The following DAGLB variants were observed in gnomAD, a reference collection of about 807,000 sequenced individuals.
DAGLB encodes diacylglycerol lipase beta.
A neutral mutation model predicts 72.1 loss-of-function variants in DAGLB; 66 were observed. The ratio of observed to expected loss-of-function variants is 0.92; its 90% CI spans 0.75 to 1.12. The LOEUF is 1.12. Ranked by LOEUF, DAGLB falls within the 50% of genes most tolerant of loss-of-function variation. The pLI, the probability that DAGLB is intolerant of heterozygous loss-of-function variation, is 0.00. For missense variants in DAGLB, 1,065 were observed against 884.9 expected, an observed-to-expected ratio of 1.20 and a Z score of -2.58; for synonymous variants, 414 against 359.5, an observed-to-expected ratio of 1.15 and a Z score of -1.71.
chr7:6,443,945 C>A (rs1037135461), intron 2 of DAGLB, among the ~76,000 whole-genome samples: 3 of 152,062 alleles, frequency 2.0e-5, no homozygotes, highest in Non-Finnish European at 1.5e-5. Context: ...TGGTTATCTA[C>A]AGAAAACTGT....
chr7:6,410,375 C>T lies in DAGLB; in HGVS notation c.1575G>A (p.Lys525=), dbSNP rs112408875. 9 of 1,609,882 alleles carry T rather than the reference C, an allele frequency of 5.6e-6. No individual in the cohort carries two copies. Among genetic ancestry groups the T allele is most frequent in the African/African-American group, 4.0e-5 (3 of 74,966 alleles). ...CGTACCACAAACCGTGCAGCAAGAT[C>T]TTGTACTGAGGGCGAGACCCAATCA... ...VVAHCNKPKY[K]ILLHGLWYEL... Residue 525 remains lysine, a synonymous_variant, in exon 14 of 15, where the codon AAG becomes AAA. Coordinates refer to ENST00000297056, the MANE Select transcript of DAGLB (RefSeq NM_139179.4).
chr7:6,410,189 G>C lies in DAGLB; in HGVS notation c.1761C>G (p.Tyr587Ter), dbSNP rs960883296. The change falls in exon 14 of 15, where the codon TAC (tyrosine) becomes TAG (stop). Residue 587 changes from tyrosine to a stop codon, truncating the protein, a stop_gained. Coordinates refer to ENST00000297056, the MANE Select transcript of DAGLB (RefSeq NM_139179.4). LOFTEE classifies it high-confidence loss of function. ...TCCTGCCGGGAGGGTAGAGAGGGGG[G>C]TACTTGGGAGAAGAGTCCAGTGGGG... is the stretch of plus-strand genomic sequence containing the variant. Reference protein sequence around the residue: ...SDSPLDSSPKYPPLYPPGRII... With the variant: ...SDSPLDSSPK 1.3e-6 allele frequency: 2 copies of C among 1,599,356 alleles called. No homozygotes were observed. Among genetic ancestry groups the C allele is most frequent in the Non-Finnish European group, 1.7e-6 (2 of 1,171,244 alleles).
chr7:6,436,392 A>C lies in DAGLB; in HGVS notation c.389T>G (p.Val130Gly). The C allele has an allele frequency of 6.2e-7, 1 of 1,612,664 alleles. No individual in the cohort carries two copies. Among genetic ancestry groups the C allele is most frequent in the South Asian group, 1.1e-5 (1 of 90,820 alleles). Reference sequence around the variant, plus strand: ...CACGACGGTTGCGATGATGCCGTTTACAACTGTCCTGTCGCACTGAACACC... The same window carrying C: ...CACGACGGTTGCGATGATGCCGTTTCCAACTGTCCTGTCGCACTGAACACC... ...ADGVQCDRTV[V>G]NGIIATVVVS... is the part of the protein sequence containing the mutation. The change falls in exon 3 of 15, where the codon GTA (valine) becomes GGA (glycine). Residue 130 changes from valine (V) to glycine (G), a missense_variant. Transcript: ENST00000297056.
intron 2 of DAGLB, among the ~76,000 whole-genome samples, chr7:6,441,581 C>G (rs1158773824): frequency 6.7e-6 from 1 of 149,788 alleles, no homozygotes; most frequent in African/African-American, 2.5e-5. Context: ...CCACGCCCAG[C>G]TAATTTTTTG....
intron 1 of DAGLB, among the ~76,000 whole-genome samples, chr7:6,447,378 C>A (rs1264253194): frequency 6.6e-6 from 1 of 152,188 alleles, no homozygotes; most frequent in African/African-American, 2.4e-5. Flanking sequence ...TGGCTGCTCC[C>A]GCCTCAAGAA....
At chr7:6,439,247 T>G (rs1282821779) in intron 2 of DAGLB, among the ~76,000 whole-genome samples, 2 of 148,530 alleles carry the variant, frequency 1.3e-5, no homozygotes, top group Non-Finnish European at 3.0e-5. Context: ...AGAGTGAGAC[T>G]CTATCTCAAA....
chr7:6,422,096 C>T (rs978901943), intron 8 of DAGLB: 36 of 470,524 alleles, frequency 7.7e-5, no homozygotes, highest in South Asian at 3.8e-4. Context: ...CTAAGGACCC[C>T]GTGGCACAGA....
Position 6,432,817 on chromosome 7 carries a change from C to A in DAGLB, c.801+20G>T. The A allele has an allele frequency of 5.0e-6, 8 of 1,611,796 alleles. No individual in the cohort carries two copies. The highest frequency in any genetic ancestry group is 6.8e-6 in the Non-Finnish European group (8 of 1,179,346). On this transcript the variant is annotated intron_variant, in intron 5 of 14. Coordinates refer to ENST00000297056, the MANE Select transcript of DAGLB (RefSeq NM_139179.4). ...AAGGTGTAAGTGTCAGAACTGGACA[C>A]TCCATGAAGCCAGGCTCACCTGGGA...
chr7:6,416,655 C>T lies in DAGLB; in HGVS notation c.1399G>A (p.Ala467Thr), dbSNP rs1318401501. The T allele has an allele frequency of 6.2e-6, 10 of 1,613,180 alleles. No homozygotes were observed. The highest frequency in any genetic ancestry group is 4.5e-5 in the East Asian group (2 of 44,856). ...RAAYPQVRCY[A>T]FSPPRGLWSK... ...CACAGCCCCCGGGGTGGGGAGAAGG[C>T]GTAGCACCTGACCTGCGGGTAGGCG... The change falls in exon 11 of 15, where the codon GCC (alanine) becomes ACC (threonine). Residue 467 changes from alanine (A) to threonine (T), a missense_variant. Physicochemically the swap from Ala to Thr is moderately conservative, Grantham distance 58. Transcript: ENST00000297056.
chr7:6,443,214 AAC>A (rs1784888270), intron 2 of DAGLB, among the ~76,000 whole-genome samples: 1 of 148,958 alleles, frequency 6.7e-6, no homozygotes, highest in South Asian at 2.1e-4. Context: ...AAACAAAAAA[AAC>A]AAAACAAAAC....
At chr7:6,435,061 C>T in intron 3 of DAGLB, 41 bp from the exon 4 acceptor site, 2 of 1,600,726 alleles carry the variant, frequency 1.2e-6, no homozygotes, top group Non-Finnish European at 1.7e-6. Flanking sequence ...GACTGCGGGC[C>T]CCAGCCCAGA....
rs1783670396 is a variant in DAGLB at position 6,410,132 on chromosome 7, C to T, written c.1818G>A (p.Gly606=). The stretch of plus-strand genomic sequence containing the variant: ...CACACCCACCACGCCGCACTCACCG[C>T]CCCGAGGCGCCCTCCTCCTGCAGGT... ...IIHLQEEGAS[G]RFGCCSAAHY... Residue 606 remains glycine, a splice_region_variant and synonymous_variant, in exon 14 of 15, where the codon GGG becomes GGA. Coordinates refer to ENST00000297056, the MANE Select transcript of DAGLB (RefSeq NM_139179.4). 1 of 1,570,910 alleles carries T rather than the reference C, an allele frequency of 6.4e-7. No homozygotes were observed. The highest frequency in any genetic ancestry group is 1.3e-5 in the African/African-American group (1 of 74,228).
At chr7:6,432,695 AAGGGGAGGAGGGGGAGGGGAGGGAGGGG>A in intron 5 of DAGLB, 114 bp downstream of exon 5, 2 of 769,234 alleles carry the variant, frequency 2.6e-6, no homozygotes, top group Non-Finnish European at 3.4e-6. Flanking sequence ...GAGGGGAGGG[AAGGGGAGGAGGGGGAGGGGAGGGAGGGG>A]AAAGGGGAAT....
chr7:6,446,148 G>C, intron 1 of DAGLB, 44 bp from the exon 2 acceptor site: 1 of 1,572,126 alleles, frequency 6.4e-7, no homozygotes, highest in East Asian at 2.2e-5. Context: ...GAAATCCAAG[G>C]AGCTGCTGTG....
At chr7:6,426,157 T>G in intron 6 of DAGLB, 43 bp from the exon 7 acceptor site, 3 of 1,608,918 alleles carry the variant, frequency 1.9e-6, no homozygotes, top group Non-Finnish European at 2.5e-6. Context: ...ACAGAGCCAC[T>G]TGGCAAGGAA....
At chr7:6,429,754 G>T (rs1227857874) in intron 6 of DAGLB, among the ~76,000 whole-genome samples, 1 of 151,920 alleles carries the variant, frequency 6.6e-6, no homozygotes, top group Non-Finnish European at 1.5e-5. Context: ...TAGAAAATTA[G>T]CCGGGTGTGG....
intron 6 of DAGLB, among the ~76,000 whole-genome samples, chr7:6,428,118 G>A (rs1406129585): frequency 6.6e-6 from 1 of 151,962 alleles, no homozygotes; most frequent in Admixed American, 6.6e-5. Flanking sequence ...AGGCCAAGGC[G>A]AGTGGATCAC....
chr7:6,412,316 G>A (rs188820655), intron 13 of DAGLB, among the ~76,000 whole-genome samples: 1 of 152,282 alleles, frequency 6.6e-6, no homozygotes, highest in African/African-American at 2.4e-5. Flanking sequence ...AAATGTGCCT[G>A]TACCTCTTAA....
chr7:6,426,275 C>T (rs1048895891), intron 6 of DAGLB, among the ~76,000 whole-genome samples, 161 bp from the exon 7 acceptor site: 1 of 152,278 alleles, frequency 6.6e-6, no homozygotes, highest in Middle Eastern at 3.4e-3. Context: ...TTAATTTGAT[C>T]GACTGACTGA....
Sources: gnomAD v4.1 joint callset for allele counts (sites outside exome capture counted in the v4.1 genomes callset) on GRCh38, gnomAD v4.1.1 for gene constraint, MANE v1.5 for transcripts, NCBI Gene and HGNC (gene_info 2026-07-23, HGNC 2026-07-21) for gene names.